The following ATF7IP variants were observed in gnomAD, a reference collection of about 807,000 sequenced individuals.
The protein encoded by ATF7IP is activating transcription factor 7-interacting protein 1.
A neutral mutation model predicts 106.4 loss-of-function variants in ATF7IP; 23 were observed. The ratio of observed to expected loss-of-function variants is 0.22; its 90% CI spans 0.16 to 0.31. The LOEUF is 0.31. Among genes scored for constraint, ATF7IP ranks in the 10% least tolerant of loss-of-function variants. The pLI is 1.00. For missense variants in ATF7IP, 1,334 were observed against 1,524.3 expected (o/e 0.88, Z 2.08); for synonymous variants, 542 against 539.0 (o/e 1.01, Z -0.08).
intron 1 of ATF7IP, chr12:14,385,497 T>C: frequency 8.4e-7 from 1 of 1,187,486 alleles, no homozygotes; most frequent in Non-Finnish European, 1.2e-6. Flanking sequence ...AACTTAGAGC[T>C]TGGTTTTTAA....
chr12:14,470,712 C>T (rs1944010155), intron 10 of ATF7IP, among the ~76,000 whole-genome samples: 1 of 152,120 alleles, frequency 6.6e-6, no homozygotes. Flanking sequence ...AAGCATTTAG[C>T]ACAGAGTCTA....
chr12:14,472,618 G>T (rs898466117), intron 10 of ATF7IP, among the ~76,000 whole-genome samples: 2 of 152,078 alleles, frequency 1.3e-5, no homozygotes, highest in Non-Finnish European at 2.9e-5. Flanking sequence ...GCACCACTCA[G>T]TCTCCTTCCT....
At chr12:14,444,537 T>C (rs1301549952) in intron 5 of ATF7IP, among the ~76,000 whole-genome samples, 1 of 152,174 alleles carries the variant, frequency 6.6e-6, no homozygotes, top group South Asian at 2.1e-4. Context: ...TTTTTTAAAA[T>C]GTCTCAGAAT....
At position 14,456,673 on chromosome 12, in the gene ATF7IP, CA is replaced by C; in HGVS notation, c.2069+42del. The C allele has an allele frequency of 2.9e-6, 4 of 1,380,196 alleles. No individual in the cohort carries two copies. In the South Asian group the frequency reaches 4.8e-5, roughly 16 times the overall value. 85.5% of individuals were successfully genotyped at this position (1,380,196 alleles called of 1,614,324 possible). A position where few individuals can be genotyped will look rare whatever the true frequency, so the allele number is the denominator to read the frequency against. On this transcript the variant is annotated intron_variant, in intron 7 of 14. Transcript: ENST00000261168. ...GTCTGTCTAGTTTTTAAAAACAGAA[CA>C]AAGTTCTACTTTCTTTATTTGGTCA...
At chr12:14,470,461 A>G (rs1488111535) in intron 10 of ATF7IP, among the ~76,000 whole-genome samples, 2 of 152,272 alleles carry the variant, frequency 1.3e-5, no homozygotes, top group South Asian at 2.1e-4. Flanking sequence ...TTCTCAGACA[A>G]TGTTTTGTCA....
intron 1 of ATF7IP, among the ~76,000 whole-genome samples, chr12:14,412,161 T>C (rs1230466822): frequency 1.3e-5 from 2 of 152,228 alleles, no homozygotes; most frequent in Non-Finnish European, 2.9e-5. Flanking sequence ...ACTGGTAGTA[T>C]CACACTGTCT....
chr12:14,405,232 T>G lies in ATF7IP; in HGVS notation c.-7-18677T>G, dbSNP rs79820733. ...GGTTTAACTGAAGGAAGATGTAGAA[T>G]TATAAATAGAATTGGCTGGAAAATT... On this transcript the variant is annotated intron_variant, in intron 1 of 14. Transcript: ENST00000261168. 2.0e-5 allele frequency among the ~76,000 whole-genome samples: 3 copies of G among 152,156 alleles called. No homozygotes were observed. The East Asian group carries it at 5.8e-4, about 29-fold the overall frequency.
At chr12:14,406,310 G>C (rs1169313865) in intron 1 of ATF7IP, among the ~76,000 whole-genome samples, 1 of 151,984 alleles carries the variant, frequency 6.6e-6, no homozygotes, top group African/African-American at 2.4e-5. Context: ...TGTTGGCCAG[G>C]CTGGTGTCGA....
chr12:14,465,547 A>G (rs1038328023), intron 9 of ATF7IP, among the ~76,000 whole-genome samples: 4 of 151,802 alleles, frequency 2.6e-5, no homozygotes, highest in Admixed American at 6.5e-5. Context: ...AAATAAATAG[A>G]TAATATATTA....
intron 8 of ATF7IP, 38 bp downstream of exon 8, chr12:14,457,333 G>T: frequency 7.2e-7 from 1 of 1,393,994 alleles, no homozygotes; most frequent in East Asian, 2.4e-5. Flanking sequence ...CATTTTCTTA[G>T]GAATTAAAGG....
At chr12:14,384,750 G>C (rs1397168147) in intron 1 of ATF7IP, among the ~76,000 whole-genome samples, 2 of 151,804 alleles carry the variant, frequency 1.3e-5, no homozygotes, top group African/African-American at 2.4e-5. Flanking sequence ...AGATTCTGTG[G>C]AGAAAATCTT....
At chr12:14,379,215 A>G (rs1229155107) in intron 1 of ATF7IP, among the ~76,000 whole-genome samples, 4 of 152,216 alleles carry the variant, frequency 2.6e-5, no homozygotes, top group Admixed American at 2.0e-4. Flanking sequence ...GGTCATTTAA[A>G]TAGTGTGTAG....
intron 13 of ATF7IP, among the ~76,000 whole-genome samples, chr12:14,489,792 C>T (rs901647243): frequency 2.0e-4 from 31 of 152,154 alleles, no homozygotes; most frequent in Admixed American, 1.6e-3. Context: ...CTTACTCAGC[C>T]GTACAGTGAG....
In ATF7IP at chr12:14,494,315, A is replaced by G. The variant is rs1328430565; in HGVS notation, c.3281-1916A>G. Among the ~76,000 whole-genome samples, 118 of 93,100 alleles carry G rather than the reference A, an allele frequency of 1.3e-3. 2 individuals carry two copies. The highest frequency in any genetic ancestry group is 5.6e-3 in the African/African-American group (116 of 20,840). The allele number at this position is 93,100 out of a possible 152,430, so 61.1% of individuals were successfully genotyped here. A position where few individuals can be genotyped will look rare whatever the true frequency, so the allele number is the denominator to read the frequency against. Reference sequence around the variant, plus strand: ...TATATATATATATATATATATATATATATATATATATATATATATGTGTGT... The same window carrying G: ...TATATATATATATATATATATATATGTATATATATATATATATATGTGTGT... On this transcript the variant is annotated intron_variant, in intron 13 of 14. Coordinates refer to ENST00000261168, the MANE Select transcript of ATF7IP (RefSeq NM_018179.5).
At chr12:14,446,538 T>G (rs1159730025) in intron 5 of ATF7IP, among the ~76,000 whole-genome samples, 1 of 152,252 alleles carries the variant, frequency 6.6e-6, no homozygotes, top group Non-Finnish European at 1.5e-5. Flanking sequence ...TTTACACTTC[T>G]GTTGAAAGTG....
chr12:14,417,183 TTA>T (rs1433304323), intron 1 of ATF7IP, among the ~76,000 whole-genome samples: 3 of 152,216 alleles, frequency 2.0e-5, no homozygotes, highest in African/African-American at 7.2e-5. Context: ...CACATTTGTT[TTA>T]TAATAAAGCT....
intron 1 of ATF7IP, among the ~76,000 whole-genome samples, chr12:14,402,127 C>CTTTTTTTTTTTTTTTTTTTCTTTTTTT: frequency 9.8e-6 from 1 of 101,874 alleles, no homozygotes; most frequent in Non-Finnish European, 1.9e-5. Context: ...TTTCTTCTTT[C>CTTTTTTTTTTTTTTTTTTTCTTTTTTT]TTTTTTTTTT....
intron 8 of ATF7IP, among the ~76,000 whole-genome samples, chr12:14,457,875 A>T (rs1168479209): frequency 6.6e-6 from 1 of 152,070 alleles, no homozygotes; most frequent in Non-Finnish European, 1.5e-5. Flanking sequence ...CAGGCGGATC[A>T]CTTGAGGTTA....
At chr12:14,452,427 T>C (rs540754581) in intron 6 of ATF7IP, among the ~76,000 whole-genome samples, 1 of 152,266 alleles carries the variant, frequency 6.6e-6, no homozygotes, top group African/African-American at 2.4e-5. Flanking sequence ...CTTGATTCCT[T>C]TGTGTTTCAT....
Sources: allele counts gnomAD v4.1 joint callset (sites outside exome capture counted in the v4.1 genomes callset), GRCh38; gene constraint gnomAD v4.1.1; transcripts MANE v1.5; gene names NCBI Gene and HGNC (gene_info 2026-07-23, HGNC 2026-07-21).